The following AKT3 variants were observed in gnomAD, a reference collection of about 807,000 sequenced individuals.
AKT3 encodes RAC-gamma serine/threonine-protein kinase.
Under a neutral mutation model 65.3 loss-of-function variants are expected in AKT3, and 15 were observed. The observed-to-expected ratio is 0.23, with a 90% confidence interval of 0.15 to 0.35. AKT3 has a LOEUF of 0.35. Among genes scored for constraint, AKT3 ranks in the 10% least tolerant of loss-of-function variants. AKT3 has a pLI of 1.00. For synonymous variants in AKT3, 206 were observed against 183.8 expected (o/e 1.12, Z -0.98); for missense variants, 243 against 576.5 (o/e 0.42, Z 5.92).
chr1:243,547,458 C>T (rs559860351), intron 11 of AKT3, among the ~76,000 whole-genome samples: 1 of 152,044 alleles, frequency 6.6e-6, no homozygotes, highest in Non-Finnish European at 1.5e-5. Flanking sequence ...TATGCTAACT[C>T]CAAAACACCA....
intron 6 of AKT3, among the ~76,000 whole-genome samples, chr1:243,617,072 T>C (rs1270522243): frequency 2.0e-5 from 3 of 152,296 alleles, no homozygotes; most frequent in East Asian, 1.9e-4. Context: ...TAAATGTCTA[T>C]TGAACTGAAT....
At chr1:243,833,997 C>G (rs538362030) in intron 2 of AKT3, among the ~76,000 whole-genome samples, 114 of 152,008 alleles carry the variant, frequency 7.5e-4, no homozygotes, top group African/African-American at 2.7e-3. Context: ...GCCACTGTGG[C>G]TGGGCTCATC....
chr1:243,593,854 C>T (rs1441154623), intron 8 of AKT3, among the ~76,000 whole-genome samples: 7 of 152,116 alleles, frequency 4.6e-5, no homozygotes, highest in Admixed American at 4.6e-4. Flanking sequence ...TAATAAAAGA[C>T]TTAATCTTTT....
chr1:243,735,054 A>C (rs1256424155), intron 2 of AKT3: 1 of 152,206 alleles, frequency 6.6e-6, no homozygotes, highest in African/African-American at 2.4e-5. Flanking sequence ...GCCATCTCCA[A>C]TAACAACGCC....
intron 8 of AKT3, among the ~76,000 whole-genome samples, chr1:243,609,722 C>A (rs974908365): frequency 1.3e-5 from 2 of 151,974 alleles, no homozygotes; most frequent in Non-Finnish European, 2.9e-5. Context: ...AACAGAAATT[C>A]TGAAGAAAAA....
At chr1:243,676,083 A>G (rs1001068202) in intron 3 of AKT3, among the ~76,000 whole-genome samples, 1 of 152,242 alleles carries the variant, frequency 6.6e-6, no homozygotes, top group Admixed American at 6.5e-5. Context: ...TAAACAAGCA[A>G]AACAATTAAT....
At chr1:243,561,907 C>T (rs1673812192) in intron 10 of AKT3, among the ~76,000 whole-genome samples, 1 of 152,108 alleles carries the variant, frequency 6.6e-6, no homozygotes, top group South Asian at 2.1e-4. Flanking sequence ...AAGGTGTGGT[C>T]TCTGTCTCTA....
chr1:243,779,689 A>G (rs1378778884), intron 2 of AKT3, among the ~76,000 whole-genome samples: 2 of 152,104 alleles, frequency 1.3e-5, no homozygotes, highest in Non-Finnish European at 2.9e-5. Context: ...GGTAAATAAA[A>G]GAATTAAAAA....
At chr1:243,556,916 T>G (rs1300138663) in intron 10 of AKT3, among the ~76,000 whole-genome samples, 2 of 152,162 alleles carry the variant, frequency 1.3e-5, no homozygotes, top group South Asian at 2.1e-4. Flanking sequence ...GCTTGGTATT[T>G]TCTTCATAAA....
chr1:243,567,482 T>C (rs1333172959), intron 9 of AKT3, among the ~76,000 whole-genome samples: 1 of 148,080 alleles, frequency 6.8e-6, no homozygotes, highest in Non-Finnish European at 1.5e-5. Context: ...TTTGTTTGTT[T>C]CTTCCTTTTT....
intron 2 of AKT3, among the ~76,000 whole-genome samples, chr1:243,808,932 A>C (rs1296312546): frequency 6.6e-6 from 1 of 152,198 alleles, no homozygotes; most frequent in Non-Finnish European, 1.5e-5. Flanking sequence ...AGCCAAACTA[A>C]GCTTCGTAAG....
intron 8 of AKT3, among the ~76,000 whole-genome samples, chr1:243,606,668 G>A (rs920625734): frequency 1.2e-4 from 18 of 152,232 alleles, no homozygotes; most frequent in African/African-American, 4.3e-4. Flanking sequence ...GCAAAAGTTG[G>A]CATAAGTAAC....
In AKT3 at chr1:243,678,540, A is replaced by G. The variant is rs961709805; in HGVS notation, c.173-13657T>C. On this transcript the variant is annotated intron_variant, in intron 3 of 13. Transcript: ENST00000673466. ...ATAGTAACTACTAAGTAATTATCTTAGCATATTATCAGTTGATTCACTACA... is the reference window on the plus strand; with the variant it reads ...ATAGTAACTACTAAGTAATTATCTTGGCATATTATCAGTTGATTCACTACA... Among the ~76,000 whole-genome samples the G allele has an allele frequency of 2.0e-5, 3 of 152,220 alleles. 1 individual carries two copies. The highest frequency in any genetic ancestry group is 4.4e-5 in the Non-Finnish European group (3 of 68,028).
At chr1:243,830,240 T>C (rs755289119) in intron 2 of AKT3, among the ~76,000 whole-genome samples, 29 of 152,150 alleles carry the variant, frequency 1.9e-4, no homozygotes, top group Non-Finnish European at 5.9e-5. Flanking sequence ...GTAAGTAATT[T>C]AAAGATGATT....
chr1:243,689,603 T>G (rs1041940961), intron 3 of AKT3, among the ~76,000 whole-genome samples: 9 of 151,688 alleles, frequency 5.9e-5, no homozygotes, highest in African/African-American at 9.7e-5. Context: ...TGTTTGTTAG[T>G]AGGTTTAAGT....
At chr1:243,526,183 G>A (rs1313379877) in intron 12 of AKT3, among the ~76,000 whole-genome samples, 1 of 152,110 alleles carries the variant, frequency 6.6e-6, no homozygotes, top group East Asian at 1.9e-4. Context: ...GAGAAGCGAA[G>A]ATGCAAGCAA....
intron 9 of AKT3, 30 bp downstream of exon 9, chr1:243,572,896 A>G (rs2148506880): frequency 1.3e-6 from 2 of 1,587,260 alleles, no homozygotes; most frequent in South Asian, 1.1e-5. Context: ...CTGCAAAAAC[A>G]AATTTTGATT....
At chr1:243,691,429 T>C (rs1684684027) in intron 3 of AKT3, among the ~76,000 whole-genome samples, 1 of 152,176 alleles carries the variant, frequency 6.6e-6, no homozygotes, top group Non-Finnish European at 1.5e-5. Flanking sequence ...GAAAGACCAC[T>C]TTGATACCCG....
chr1:243,657,220 C>T (rs748294640), intron 4 of AKT3, among the ~76,000 whole-genome samples: 1 of 152,116 alleles, frequency 6.6e-6, no homozygotes, highest in Non-Finnish European at 1.5e-5. Context: ...AGGGGAAAGA[C>T]ACCTTCTATG....
Sources: allele counts gnomAD v4.1 joint callset (sites outside exome capture counted in the v4.1 genomes callset), GRCh38; gene constraint gnomAD v4.1.1; transcripts MANE v1.5; gene names NCBI Gene and HGNC (gene_info 2026-07-23, HGNC 2026-07-21).